Variants in SLTM observed in about 807,000 individuals in gnomAD.
The protein encoded by SLTM is SAFB-like transcription modulator.
Under a neutral mutation model 134.6 loss-of-function variants are expected in SLTM, and 43 were observed. That is an observed-to-expected ratio of 0.32 (90% CI 0.25 to 0.41). The LOEUF is 0.41. SLTM is among the 10% of genes least tolerant of loss of function. The pLI is 1.00. For missense variants in SLTM, 1,055 were observed against 1,288.8 expected (o/e 0.82, Z 2.78); for synonymous variants, 424 against 432.3 (o/e 0.98, Z 0.24).
chr15:58,887,497 G>C lies in SLTM; in HGVS notation c.2419C>G (p.Pro807Ala). The C allele has an allele frequency of 6.2e-7, 1 of 1,613,360 alleles. No individual in the cohort carries two copies. The highest frequency in any genetic ancestry group is 1.1e-5 in the South Asian group (1 of 91,062). The change falls in exon 18 of 21, where the codon CCT (proline) becomes GCT (alanine). Residue 807 changes from proline (P) to alanine (A), a missense_variant. Physicochemically the swap from Pro to Ala is conservative, Grantham distance 27. This residue lies in a region of SLTM where 776 missense variants were observed against 962.2 expected (regional missense o/e 0.81). Transcript: ENST00000380516. ...VGQSEGKKAR[P>A]TARREDPSFE... is the part of the protein sequence containing the mutation. ...CTTGGATCTTCCCTTCGTGCAGTAG[G>C]TCGTGCTTTTTTCCCCTCACTTTGA... is the stretch of plus-strand genomic sequence containing the variant.
chr15:58,929,570 A>G (rs747596765), intron 2 of SLTM, among the ~76,000 whole-genome samples: 6 of 152,230 alleles, frequency 3.9e-5, no homozygotes, highest in African/African-American at 4.8e-5. Flanking sequence ...TTTGGTTTCT[A>G]AAAGTTATTA....
In SLTM at chr15:58,899,892, A is replaced by G; in HGVS notation, c.635T>C (p.Leu212Pro). 6.2e-7 allele frequency: 1 copy of G among 1,614,040 alleles called. No individual in the cohort carries two copies. Among genetic ancestry groups the G allele is most frequent in the East Asian group, 2.2e-5 (1 of 44,882 alleles). ...CTCAGCTAGGCTCCCTTCTGAAGGA[A>G]GAGGTTTAGATACTTCTTGTGTACC... Reference protein sequence around the residue: ...GDGTQEVSKPLPSEGSLAEAD... With the variant: ...GDGTQEVSKPPPSEGSLAEAD... The change falls in exon 7 of 21, where the codon CTT becomes CCT. Residue 212 changes from leucine to proline, a missense_variant. By Grantham distance (98) the Leu-to-Pro change is moderately conservative. This residue lies in a region of SLTM where 268 missense variants were observed against 284.3 expected (regional missense o/e 0.94). Coordinates refer to ENST00000380516, the MANE Select transcript of SLTM (RefSeq NM_024755.4). This position sits in a 1 kb window ranked among gnomAD's most constrained non-coding sequence, Gnocchi z 5.0.
Position 58,879,974 on chromosome 15 carries a change from T to TA in SLTM, c.*24dup. 1 of 1,610,546 alleles carries TA rather than the reference T, an allele frequency of 6.2e-7. No individual in the cohort carries two copies. Among genetic ancestry groups the TA allele is most frequent in the South Asian group, 1.1e-5 (1 of 90,432 alleles). ...TACAGGAGATTTCAATAAATTATCT[T>TA]AAAACCTTGGCAGAGAGCTCATTTT... On this transcript the variant is annotated 3_prime_UTR_variant, in exon 21 of 21. Coordinates refer to ENST00000380516, the MANE Select transcript of SLTM (RefSeq NM_024755.4).
Position 58,894,107 on chromosome 15 carries a change from C to T in SLTM, c.1464G>A (p.Thr488=), listed in dbSNP as rs374874196. 1.7e-5 allele frequency: 28 copies of T among 1,605,582 alleles called. No homozygotes were observed. In the South Asian group the frequency reaches 2.7e-4, roughly 15 times the overall value. Residue 488 remains threonine (T), a synonymous_variant, in exon 11 of 21, where the codon ACG becomes ACA. Coordinates refer to ENST00000380516, the MANE Select transcript of SLTM (RefSeq NM_024755.4). ...ATCCTTACTTGCTACTTCTATCACT[C>T]GTATTTTTTTTATCTCCAGAACTTC... is the stretch of plus-strand genomic sequence containing the variant. The part of the protein sequence containing the change: ...SSRSSGDKKN[T]SDRSSKTQAS...
chr15:58,911,116 T>A (rs1284321447), intron 5 of SLTM, among the ~76,000 whole-genome samples: 1 of 152,278 alleles, frequency 6.6e-6, no homozygotes, highest in Middle Eastern at 3.4e-3. Flanking sequence ...CATTCTAATA[T>A]TTCCTTCCCG....
intron 19 of SLTM, 46 bp downstream of exon 19, chr15:58,886,929 T>TA (rs2034255573): frequency 2.5e-6 from 4 of 1,610,166 alleles, no homozygotes; most frequent in Non-Finnish European, 3.4e-6. Context: ...ATGAATCCTC[T>TA]AAATGTATGT....
In SLTM at chr15:58,887,063, G is replaced by A. The variant is rs764368279; in HGVS notation, c.2747C>T (p.Ala916Val). The A allele has an allele frequency of 6.8e-6, 11 of 1,613,826 alleles. No homozygotes were observed. The African/African-American group carries it at 1.5e-4, about 22-fold the overall frequency. ...AGCGCTGCTACGATTCCCAGGGGGAGCGCCTCTCACACTGTGCCCTGATAC... is the reference window on the plus strand; with the variant it reads ...AGCGCTGCTACGATTCCCAGGGGGAACGCCTCTCACACTGTGCCCTGATAC... ...REVSGHSVRG[A>V]PPGNRSSASG... The change falls in exon 19 of 21, where the codon GCT (alanine) becomes GTT (valine). Residue 916 changes from alanine to valine, a missense_variant. By Grantham distance (64) the Ala-to-Val change is moderately conservative. Coordinates refer to ENST00000380516, the MANE Select transcript of SLTM (RefSeq NM_024755.4).
At chr15:58,916,278 A>G (rs1239932294) in intron 3 of SLTM, among the ~76,000 whole-genome samples, 1 of 151,054 alleles carries the variant, frequency 6.6e-6, no homozygotes, top group Non-Finnish European at 1.5e-5. Flanking sequence ...AGTTCAAGCG[A>G]TTCTCCTGCC....
intron 5 of SLTM, among the ~76,000 whole-genome samples, chr15:58,905,928 C>A (rs534015460): frequency 1.3e-5 from 2 of 152,038 alleles, no homozygotes; most frequent in Admixed American, 1.3e-4. Flanking sequence ...ATTTATATGC[C>A]GGTAGGAAAT....
intron 2 of SLTM, among the ~76,000 whole-genome samples, chr15:58,918,088 A>T (rs2036772697): frequency 1.4e-5 from 2 of 141,282 alleles, no homozygotes; most frequent in African/African-American, 5.1e-5. Flanking sequence ...TTTCCACATT[A>T]AAAAAAAAAA....
chr15:58,887,980 G>A (rs534930558), intron 17 of SLTM, among the ~76,000 whole-genome samples: 66 of 152,182 alleles, frequency 4.3e-4, no homozygotes, highest in African/African-American at 1.3e-3. Flanking sequence ...GCAAAACCCC[G>A]TCTCTACTAC....
rs369441854 is a variant in SLTM at position 58,890,317 on chromosome 15, G to A, written c.2043C>T (p.Arg681=). The change falls in exon 15 of 21, where the codon CGC becomes CGT. Residue 681 remains arginine, a synonymous_variant. Coordinates refer to ENST00000380516, the MANE Select transcript of SLTM (RefSeq NM_024755.4). ...GAATGCGTTCCCTTTCCAAGCGTTC[G>A]CGTTCCATTCTCTCTCTCTCTAGTT... ...RQKLERERME[R]ERLERERIRI... The A allele has an allele frequency of 1.2e-5, 20 of 1,613,892 alleles. No homozygotes were observed. The highest frequency in any genetic ancestry group is 5.3e-5 in the African/African-American group (4 of 74,882).
At chr15:58,926,358 A>C (rs576771683) in intron 2 of SLTM, among the ~76,000 whole-genome samples, 1 of 152,172 alleles carries the variant, frequency 6.6e-6, no homozygotes, top group African/African-American at 2.4e-5. Flanking sequence ...AAAGGGGGGA[A>C]AAAACCTTTA....
intron 9 of SLTM, among the ~76,000 whole-genome samples, chr15:58,896,845 C>T (rs1176343250): frequency 6.6e-6 from 1 of 152,134 alleles, no homozygotes; most frequent in African/African-American, 2.4e-5. Flanking sequence ...TACAAAGTAT[C>T]ATGATGAATA....
intron 19 of SLTM, among the ~76,000 whole-genome samples, chr15:58,886,505 G>A (rs760896333): frequency 4.6e-5 from 7 of 152,014 alleles, no homozygotes; most frequent in African/African-American, 7.3e-5. Flanking sequence ...GAGCTCAGGC[G>A]ATCTGCCCAC....
intron 3 of SLTM, among the ~76,000 whole-genome samples, chr15:58,915,831 G>A (rs1308996699): frequency 2.0e-5 from 3 of 151,916 alleles, no homozygotes; most frequent in African/African-American, 7.3e-5. Context: ...TGACAATATG[G>A]ACTAGTTTTA....
chr15:58,921,771 CTTT>C (rs557129334), intron 2 of SLTM, among the ~76,000 whole-genome samples: 253 of 151,886 alleles, frequency 1.7e-3, no homozygotes, highest in African/African-American at 5.9e-3. Context: ...TTGTTAACTT[CTTT>C]TTTTCTTTTT....
At chr15:58,922,377 CAAAAAAAA>C (rs59996812) in intron 2 of SLTM, among the ~76,000 whole-genome samples, 1 of 61,132 alleles carries the variant, frequency 1.6e-5, no homozygotes, top group Non-Finnish European at 2.7e-5. Context: ...AACTCTGCCT[CAAAAAAAA>C]AAAAAAAAAA....
At chr15:58,884,898 G>A (rs1402069555) in intron 19 of SLTM, among the ~76,000 whole-genome samples, 3 of 152,300 alleles carry the variant, frequency 2.0e-5, no homozygotes, top group African/African-American at 7.2e-5. Context: ...GCCTCCAAAA[G>A]TGCTAGGTTT....
Sources: allele counts gnomAD v4.1 joint callset (sites outside exome capture counted in the v4.1 genomes callset), GRCh38; gene constraint gnomAD v4.1.1; regional missense constraint gnomAD v4.1.1; non-coding constraint Gnocchi (gnomAD v3.1); transcripts MANE v1.5; gene names NCBI Gene and HGNC (gene_info 2026-07-23, HGNC 2026-07-21).